The following CA1 variants were observed in gnomAD, a reference collection of about 807,000 sequenced individuals.
CA1 encodes the protein carbonic anhydrase 1.
A neutral mutation model predicts 28.8 loss-of-function variants in CA1; 27 were observed. That is an observed-to-expected ratio of 0.94 (90% confidence interval 0.69 to 1.29). The LOEUF is 1.29. Ranked by LOEUF, CA1 falls within the 50% of genes most tolerant of loss-of-function variation. The pLI is 0.00. For synonymous variants in CA1, 121 were observed against 108.8 expected, an observed-to-expected ratio of 1.11 and a Z score of -0.70; for missense variants, 335 against 310.5, an observed-to-expected ratio of 1.08 and a Z score of -0.59.
intron 1 of CA1, among the ~76,000 whole-genome samples, chr8:85,342,407 A>G (rs942071739): frequency 6.6e-6 from 1 of 152,188 alleles, no homozygotes; most frequent in Non-Finnish European, 1.5e-5. Context: ...TACAAATGCT[A>G]TATAGTAAGA....
At position 85,329,684 on chromosome 8, in the gene CA1, T is replaced by A; in HGVS notation, c.669+5A>T. The A allele has an allele frequency of 6.2e-7, 1 of 1,609,378 alleles. No individual in the cohort carries two copies. Among genetic ancestry groups the A allele is most frequent in the Non-Finnish European group, 8.5e-7 (1 of 1,177,064 alleles). ...TTCCCAGTTCCCATTCATTCACAAC[T>A]CTACCTGCTCTGAGCTGACACTGAT... is the stretch of plus-strand genomic sequence containing the variant. On this transcript the variant is annotated splice_donor_5th_base_variant and intron_variant, in intron 7 of 7. Coordinates refer to ENST00000523022, the MANE Select transcript of CA1 (RefSeq NM_001128831.4).
chr8:85,341,659 T>C lies in CA1; in HGVS notation c.-24A>G, dbSNP rs535833056. On this transcript the variant is annotated splice_region_variant and 5_prime_UTR_variant, in exon 2 of 8. Transcript: ENST00000523022. ...ATTATCTTCTACTGAGTTTTCTTTT[T>C]CTGAAAACAAAAATAATACCTGGAA... The C allele has an allele frequency of 4.5e-6, 7 of 1,545,702 alleles. No homozygotes were observed. In the South Asian group the frequency reaches 7.8e-5, roughly 17 times the overall value.
rs531056119 is a variant in CA1, at chr8:85,328,098, T to C, written c.*462A>G. On this transcript the variant is annotated 3_prime_UTR_variant, in exon 8 of 8. Coordinates refer to ENST00000523022, the MANE Select transcript of CA1 (RefSeq NM_001128831.4). ...AGGAGTAAGCAAATGAATTTCCCAATATTTCATCTCCAGCTGCTCTTAGGT... is the reference window on the plus strand; with the variant it reads ...AGGAGTAAGCAAATGAATTTCCCAACATTTCATCTCCAGCTGCTCTTAGGT... 6.4e-6 allele frequency: 1 copy of C among 155,450 alleles called. No homozygotes were observed. The highest frequency in any genetic ancestry group is 2.0e-4 in the South Asian group (1 of 5,116). The allele number at this position is 155,450 out of a possible 1,614,324, so 9.6% of individuals were successfully genotyped here.
At chr8:85,332,705 T>C (rs995395267) in intron 5 of CA1, among the ~76,000 whole-genome samples, 153 bp from the exon 6 acceptor site, 3 of 152,182 alleles carry the variant, frequency 2.0e-5, no homozygotes, top group Non-Finnish European at 4.4e-5. Context: ...GCTGTATGTC[T>C]TTGAGGGCCT....
intron 1 of CA1, among the ~76,000 whole-genome samples, chr8:85,360,658 A>T (rs1585956703): frequency 6.6e-6 from 1 of 152,178 alleles, no homozygotes; most frequent in South Asian, 2.1e-4. Flanking sequence ...GCAGCACTGC[A>T]CTCCAGCCTG....
Position 85,333,610 on chromosome 8 carries a change from G to C in CA1, c.365C>G (p.Ala122Gly). ...GVKYSAELHV[A>G]HWNSAKYSSL... ...GGAGTACTTTGCAGAATTCCAGTGA[G>C]CTACGTGAAGCTAAAAATGATACTA... is the stretch of plus-strand genomic sequence containing the variant. Residue 122 changes from alanine (A) to glycine (G), a missense_variant, in exon 5 of 8, where the codon GCT (alanine) becomes GGT (glycine). Transcript: ENST00000523022. 1 of 1,602,026 alleles carries C rather than the reference G, an allele frequency of 6.2e-7. No individual in the cohort carries two copies. Among genetic ancestry groups the C allele is most frequent in the Non-Finnish European group, 8.5e-7 (1 of 1,169,778 alleles).
At chr8:85,370,451 T>A (rs904089150) in intron 1 of CA1, among the ~76,000 whole-genome samples, 2 of 152,136 alleles carry the variant, frequency 1.3e-5, no homozygotes, top group African/African-American at 4.8e-5. Context: ...ACTTTTAAAA[T>A]CTTCTGGCTT....
chr8:85,341,503 C>G, intron 2 of CA1, 96 bp downstream of exon 2: 1 of 808,096 alleles, frequency 1.2e-6, no homozygotes, highest in Non-Finnish European at 2.2e-6. Context: ...AACAATTAAC[C>G]TATAGCTGTA....
intron 7 of CA1, 53 bp downstream of exon 7, chr8:85,329,632 CAATT>C: frequency 2.2e-6 from 3 of 1,389,460 alleles, no homozygotes; most frequent in South Asian, 1.2e-5. Context: ...CTGATACTAT[CAATT>C]AAAGTAATAT....
At chr8:85,340,078 C>T (rs557764859) in intron 2 of CA1, among the ~76,000 whole-genome samples, 1 of 152,322 alleles carries the variant, frequency 6.6e-6, no homozygotes, top group Admixed American at 6.5e-5. Flanking sequence ...CTACACTAAA[C>T]AACAGATTTT....
chr8:85,357,741 G>A (rs572689140), intron 1 of CA1, among the ~76,000 whole-genome samples: 1 of 152,248 alleles, frequency 6.6e-6, no homozygotes, highest in East Asian at 1.9e-4. Flanking sequence ...ACTATTCTCA[G>A]CTCAGAGTCA....
intron 1 of CA1, among the ~76,000 whole-genome samples, chr8:85,344,811 C>T (rs1809113972): frequency 6.6e-6 from 1 of 152,168 alleles, no homozygotes; most frequent in Non-Finnish European, 1.5e-5. Context: ...GCCAGAGCTG[C>T]TCTACAATGC....
At chr8:85,344,926 C>T (rs1204318877) in intron 1 of CA1, among the ~76,000 whole-genome samples, 1 of 152,096 alleles carries the variant, frequency 6.6e-6, no homozygotes, top group Non-Finnish European at 1.5e-5. Flanking sequence ...TTAAATTTGG[C>T]CTGACTCTCA....
intron 1 of CA1, among the ~76,000 whole-genome samples, chr8:85,356,076 C>T (rs2130316111): frequency 6.6e-6 from 1 of 152,288 alleles, no homozygotes; most frequent in East Asian, 1.9e-4. Flanking sequence ...TTTGATCCTA[C>T]TTTTTGTACC....
intron 1 of CA1, among the ~76,000 whole-genome samples, chr8:85,375,596 GAAAC>G (rs1420221848): frequency 6.6e-6 from 1 of 152,002 alleles, no homozygotes; most frequent in Non-Finnish European, 1.5e-5. Flanking sequence ...AAAATAGGCA[GAAAC>G]ATCCCAAGGG....
intron 1 of CA1, among the ~76,000 whole-genome samples, chr8:85,376,711 C>G (rs2130428460): frequency 7.0e-6 from 1 of 141,956 alleles, no homozygotes; most frequent in South Asian, 2.2e-4. Flanking sequence ...ATAAATAAAA[C>G]TAGGTAAGGG....
In CA1 at chr8:85,336,931, C is replaced by T; in HGVS notation, c.354+14G>A. The T allele has an allele frequency of 6.8e-7, 1 of 1,480,552 alleles. No homozygotes were observed. Among genetic ancestry groups the T allele is most frequent in the Non-Finnish European group, 9.4e-7 (1 of 1,058,464 alleles). 91.7% of individuals were successfully genotyped at this position (1,480,552 alleles called of 1,614,324 possible). A position where few individuals can be genotyped will look rare whatever the true frequency, so the allele number is the denominator to read the frequency against. On this transcript the variant is annotated intron_variant, in intron 4 of 7. Transcript: ENST00000523022. Reference sequence around the variant, plus strand: ...TCTCAGGGTAATTATCTCTCACTTACTAAATTACATTACCTCGGCAGAATA... The same window carrying T: ...TCTCAGGGTAATTATCTCTCACTTATTAAATTACATTACCTCGGCAGAATA...
chr8:85,346,421 A>G (rs961278567), intron 1 of CA1, among the ~76,000 whole-genome samples: 2 of 152,234 alleles, frequency 1.3e-5, no homozygotes, highest in Non-Finnish European at 2.9e-5. Flanking sequence ...ACTATTAAGT[A>G]ACATTTTTCA....
chr8:85,362,571 A>C (rs1809839416), intron 1 of CA1, among the ~76,000 whole-genome samples: 1 of 152,186 alleles, frequency 6.6e-6, no homozygotes, highest in East Asian at 1.9e-4. Context: ...ATGGGATTCA[A>C]GGAAATTAGC....
Sources: allele counts gnomAD v4.1 joint callset (sites outside exome capture counted in the v4.1 genomes callset), GRCh38; gene constraint gnomAD v4.1.1; transcripts MANE v1.5; gene names NCBI Gene and HGNC (gene_info 2026-07-23, HGNC 2026-07-21).